Variants in ALDH9A1 observed in about 807,000 individuals in gnomAD.
The protein encoded by ALDH9A1 is 4-trimethylaminobutyraldehyde dehydrogenase.
ALDH9A1 carries 42 observed loss-of-function variants against 56.6 expected under a neutral mutation model. The observed-to-expected ratio is 0.74, with a 90% CI of 0.58 to 0.96. The LOEUF (loss-of-function observed/expected upper bound fraction) is 0.96, where lower values mean the gene tolerates loss of function less well. Among genes scored for constraint, ALDH9A1 ranks in the 40% least tolerant of loss-of-function variants. The pLI is 0.00. For synonymous variants in ALDH9A1, 242 were observed against 236.0 expected, an observed-to-expected ratio of 1.03 and a Z score of -0.23; for missense variants, 661 against 651.5, an observed-to-expected ratio of 1.01 and a Z score of -0.16.
At chr1:165,697,667 C>T (rs1205484437) in intron 1 of ALDH9A1, among the ~76,000 whole-genome samples, 5 of 152,168 alleles carry the variant, frequency 3.3e-5, no homozygotes, top group Non-Finnish European at 7.3e-5. Flanking sequence ...AACCCCGCCC[C>T]GTTCTTTTAG....
At chr1:165,670,993 C>T (rs1002811567) in intron 6 of ALDH9A1, among the ~76,000 whole-genome samples, 5 of 152,122 alleles carry the variant, frequency 3.3e-5, no homozygotes, top group East Asian at 1.9e-4. Flanking sequence ...ACTAGTTCAA[C>T]GTGGGAGATG....
intron 6 of ALDH9A1, chr1:165,671,652 C>A: frequency 2.0e-6 from 1 of 489,972 alleles, no homozygotes; most frequent in South Asian, 1.5e-5. Flanking sequence ...CACTGTTTGG[C>A]TCGATATTAT....
In ALDH9A1 at chr1:165,682,275, G is replaced by A. The variant is rs115525112; in HGVS notation, c.458-34C>T. Reference sequence around the variant, plus strand: ...AAAACAGGAGTAAAGGAGGATGCAGGTCTGTGCTCCCCAAGATTTCACCAA... The same window carrying A: ...AAAACAGGAGTAAAGGAGGATGCAGATCTGTGCTCCCCAAGATTTCACCAA... On this transcript the variant is annotated intron_variant, in intron 3 of 10. Transcript: ENST00000354775. 2,614 of 1,606,198 alleles carry A rather than the reference G, an allele frequency of 1.6e-3. 30 individuals carry two copies. In the African/African-American group the frequency reaches 0.028, roughly 17 times the overall value.
intron 6 of ALDH9A1, among the ~76,000 whole-genome samples, chr1:165,673,935 G>A (rs1458143290): frequency 6.6e-6 from 1 of 152,158 alleles, no homozygotes; most frequent in East Asian, 1.9e-4. Context: ...CACAGGATAA[G>A]ATAGGAGATC....
chr1:165,683,446 T>C (rs376355432), intron 2 of ALDH9A1, among the ~76,000 whole-genome samples: 15 of 152,164 alleles, frequency 9.9e-5, no homozygotes, highest in African/African-American at 2.2e-4. Context: ...TTGAAGTGTA[T>C]ATTTATTGAA....
intron 2 of ALDH9A1, among the ~76,000 whole-genome samples, chr1:165,683,814 T>C (rs911727924): frequency 2.6e-5 from 4 of 152,110 alleles, no homozygotes; most frequent in South Asian, 2.1e-4. Flanking sequence ...AGCTTAAAGG[T>C]TTAGGAAATT....
chr1:165,672,749 C>G (rs1649218953), intron 6 of ALDH9A1, among the ~76,000 whole-genome samples: 1 of 151,904 alleles, frequency 6.6e-6, no homozygotes. Context: ...CCAGCATGGG[C>G]AACATGGCGA....
At chr1:165,673,314 G>A (rs1649243261) in intron 6 of ALDH9A1, among the ~76,000 whole-genome samples, 1 of 152,192 alleles carries the variant, frequency 6.6e-6, no homozygotes, top group Admixed American at 6.5e-5. Flanking sequence ...GTGTTGGTGA[G>A]GATGCGGAGA....
rs778453365 is a variant in ALDH9A1 at position 165,683,072 on chromosome 1, G to T, written c.366C>A (p.Asn122Lys). ...EDEIATMECI[N>K]NGKSIFEARL... ...GGGCCTCAAAGATGGACTTGCCATT[G>T]TTGATGCACTCCATAGTAGCAATTT... Residue 122 changes from asparagine (N) to lysine (K), a missense_variant, in exon 3 of 11, where the codon AAC becomes AAA. Physicochemically the swap from Asn to Lys is moderately conservative, Grantham distance 94. Transcript: ENST00000354775. 4 of 1,613,928 alleles carry T rather than the reference G, an allele frequency of 2.5e-6. No homozygotes were observed. The African/African-American group carries it at 5.3e-5, about 22-fold the overall frequency.
Position 165,667,248 on chromosome 1 carries a change from T to G in ALDH9A1, c.1349+61A>C, listed in dbSNP as rs1027128907. ...GTGAGAGAATAGGATCAATTAAATATCTAAGCAGATACTGCAGCCCCGCTC... is the reference window on the plus strand; with the variant it reads ...GTGAGAGAATAGGATCAATTAAATAGCTAAGCAGATACTGCAGCCCCGCTC... On this transcript the variant is annotated intron_variant, in intron 9 of 10. Coordinates refer to ENST00000354775, the MANE Select transcript of ALDH9A1 (RefSeq NM_000696.4). 15 of 1,599,604 alleles carry G rather than the reference T, an allele frequency of 9.4e-6. No homozygotes were observed. The East Asian group carries it at 3.1e-4, about 33-fold the overall frequency.
chr1:165,678,037 T>TA (rs1264595216), intron 6 of ALDH9A1, among the ~76,000 whole-genome samples: 3 of 137,228 alleles, frequency 2.2e-5, no homozygotes, highest in Non-Finnish European at 4.8e-5. Flanking sequence ...TCCGTCTCAA[T>TA]AAAAAAATAA....
intron 2 of ALDH9A1, among the ~76,000 whole-genome samples, chr1:165,687,191 A>C (rs1001630292): frequency 6.6e-6 from 1 of 152,154 alleles, no homozygotes; most frequent in Admixed American, 6.5e-5. Flanking sequence ...AAACACACCC[A>C]AAAACTGGAA....
chr1:165,682,682 T>C (rs1649588790), intron 3 of ALDH9A1: 2 of 345,248 alleles, frequency 5.8e-6, no homozygotes, highest in Non-Finnish European at 1.0e-5. Flanking sequence ...AACTGGTAAA[T>C]ATGACAAACC....
intron 6 of ALDH9A1, among the ~76,000 whole-genome samples, chr1:165,670,075 A>C (rs1283718088): frequency 6.6e-6 from 1 of 152,214 alleles, no homozygotes; most frequent in Non-Finnish European, 1.5e-5. Context: ...TGGAAAACAT[A>C]AAATAAGATA....
intron 2 of ALDH9A1, among the ~76,000 whole-genome samples, chr1:165,689,419 T>C (rs890671970): frequency 1.3e-5 from 2 of 152,232 alleles, no homozygotes; most frequent in African/African-American, 4.8e-5. Context: ...AACTTAGTGA[T>C]ACCTTCCCTC....
At chr1:165,689,641 C>T (rs1558011473) in intron 2 of ALDH9A1, among the ~76,000 whole-genome samples, 2 of 152,026 alleles carry the variant, frequency 1.3e-5, no homozygotes, top group African/African-American at 2.4e-5. Flanking sequence ...GCTTTGAAAA[C>T]AAAAAAACTA....
At chr1:165,671,498 T>A in intron 6 of ALDH9A1, 1 of 453,234 alleles carries the variant, frequency 2.2e-6, no homozygotes, top group Non-Finnish European at 4.3e-6. Flanking sequence ...TCTTAAGAAT[T>A]CTTAAGTCTA....
At chr1:165,682,920 C>G (rs1571177778) in intron 3 of ALDH9A1, 61 bp downstream of exon 3, 2 of 1,573,790 alleles carry the variant, frequency 1.3e-6, no homozygotes, top group East Asian at 4.5e-5. Flanking sequence ...TGCCCTTCAC[C>G]ACTAGGCCCT....
intron 6 of ALDH9A1, among the ~76,000 whole-genome samples, chr1:165,678,934 T>A (rs1177932196): frequency 2.6e-5 from 4 of 152,032 alleles, no homozygotes; most frequent in East Asian, 1.9e-4. Context: ...ACAAGACAAC[T>A]AAAGGCAATG....
Sources: gnomAD v4.1 joint callset for allele counts (sites outside exome capture counted in the v4.1 genomes callset) on GRCh38, gnomAD v4.1.1 for gene constraint, MANE v1.5 for transcripts, NCBI Gene and HGNC (gene_info 2026-07-23, HGNC 2026-07-21) for gene names.